Variants in CACNA1H observed in about 807,000 individuals in gnomAD.
The protein encoded by CACNA1H is voltage-dependent T-type calcium channel subunit alpha-1H.
Under a neutral mutation model 192.5 loss-of-function variants are expected in CACNA1H, and 149 were observed. That is an observed-to-expected ratio of 0.77 (90% CI 0.68 to 0.89). The LOEUF (loss-of-function observed/expected upper bound fraction) is 0.89. Ranked by LOEUF, CACNA1H falls within the 40% of genes least tolerant of loss-of-function variation. The pLI is 0.00. For synonymous variants in CACNA1H, 2,202 were observed against 1,475.2 expected, an observed-to-expected ratio of 1.49 and a Z score of -11.29; for missense variants, 4,257 against 3,423.5, an observed-to-expected ratio of 1.24 and a Z score of -6.08.
In CACNA1H at chr16:1,213,782, G is replaced by C; in HGVS notation, c.4780G>C (p.Ala1594Pro). 1 of 1,554,258 alleles carries C rather than the reference G, an allele frequency of 6.4e-7. No individual in the cohort carries two copies. The highest frequency in any genetic ancestry group is 2.4e-5 in the East Asian group (1 of 41,656). Residue 1594 changes from alanine to proline, a missense_variant and splice_region_variant, in exon 27 of 35, where the codon GCC becomes CCC. Transcript: ENST00000348261. ...RRRSTFPSPE[A>P]QRRPYYADYS... ...GCTCATGGCCGCCCTCCCCGCAGAG[G>C]CCCAGCGCCGGCCCTACTATGCCGA...
intron 30 of CACNA1H, among the ~76,000 whole-genome samples, 194 bp from the exon 31 acceptor site, chr16:1,216,738 C>T (rs926203611): frequency 9.9e-5 from 15 of 152,108 alleles, no homozygotes; most frequent in African/African-American, 2.7e-4. Context: ...CATGGTGCCC[C>T]GAGAGGGGCA....
rs779221011 is a variant in CACNA1H at position 1,195,405 on chromosome 16, G to C, written c.412-27G>C. 26 of 1,550,426 alleles carry C rather than the reference G, an allele frequency of 1.7e-5. 1 individual carries two copies. Among genetic ancestry groups the C allele is most frequent in the South Asian group, 1.5e-4 (13 of 84,002 alleles). On this transcript the variant is annotated intron_variant, in intron 3 of 34. Coordinates refer to ENST00000348261, the MANE Select transcript of CACNA1H (RefSeq NM_021098.3). ...TGTGGGCTGAGCTGAGCTGTTCCAC[G>C]GGCCCTCCTGATGCCTCCTCCCGCA... is the stretch of plus-strand genomic sequence containing the variant.
Position 1,204,445 on chromosome 16 carries a change from A to G in CACNA1H, c.2438A>G (p.Glu813Gly). 6.5e-7 allele frequency: 1 copy of G among 1,538,374 alleles called. No homozygotes were observed. Residue 813 changes from glutamate to glycine, a missense_variant, in exon 10 of 35, where the codon GAG (glutamate) becomes GGG (glycine). By Grantham distance (98) the Glu-to-Gly change is moderately conservative (BLOSUM62 -2). Transcript: ENST00000348261. ...ILVNTLSMGV[E>G]YHEQPEELTN... ...GTCAACACGCTGAGCATGGGCGTGG[A>G]GTACCATGAGCAGGTGCGGGCTGGC...
At chr16:1,179,543 C>T (rs1965255850) in intron 2 of CACNA1H, among the ~76,000 whole-genome samples, 1 of 152,162 alleles carries the variant, frequency 6.6e-6, no homozygotes, top group South Asian at 2.1e-4. Flanking sequence ...ATTCTCCTGC[C>T]TCAGCCTCCT....
chr16:1,168,861 C>T (rs986181252), intron 2 of CACNA1H, among the ~76,000 whole-genome samples: 6 of 152,006 alleles, frequency 3.9e-5, no homozygotes, highest in African/African-American at 9.7e-5. Context: ...CTCCTCAGCC[C>T]GCTCCCCACT....
At position 1,211,179 on chromosome 16, in the gene CACNA1H, G is replaced by A. The variant is rs760124275; in HGVS notation, c.4235G>A (p.Arg1412Gln). 28 of 1,612,624 alleles carry A rather than the reference G, an allele frequency of 1.7e-5. No individual in the cohort carries two copies. The highest frequency in any genetic ancestry group is 5.0e-5 in the Admixed American group (3 of 59,998). The change falls in exon 22 of 35, where the codon CGG becomes CAG. Residue 1412 changes from arginine (R) to glutamine (Q), a missense_variant. Transcript: ENST00000348261. Reference sequence around the variant, plus strand: ...TCACTCCCCTCCAGGGTCATCAGCCGGGCCCCGGGCCTCAAGCTGGTGGTG... The same window carrying A: ...TCACTCCCCTCCAGGGTCATCAGCCAGGCCCCGGGCCTCAAGCTGGTGGTG... ...RTLRPLRVISRAPGLKLVVET... is the reference protein window; with the variant it reads ...RTLRPLRVISQAPGLKLVVET...
intron 5 of CACNA1H, among the ~76,000 whole-genome samples, chr16:1,198,200 A>G (rs1184931952): frequency 1.3e-5 from 2 of 152,082 alleles, no homozygotes; most frequent in Non-Finnish European, 2.9e-5. Context: ...CTCGAGGGCC[A>G]CTGGGCTCCG....
rs72775445 is a variant in CACNA1H at position 1,205,083 on chromosome 16, C to T, written c.2452-31C>T. The T allele has an allele frequency of 0.019, 27,986 of 1,472,788 alleles. 291 individuals carry two copies. The highest frequency in any genetic ancestry group is 0.033 in the Middle Eastern group (183 of 5,540). 91.2% of individuals were successfully genotyped at this position (1,472,788 alleles called of 1,614,324 possible). ...TGAGGGGTGGGAGCCGCGGGTGCGG[C>T]CTCCTGAACTGTCCCCACCTCTGCC... On this transcript the variant is annotated intron_variant, in intron 10 of 34. Transcript: ENST00000348261.
chr16:1,182,289 G>T (rs1455311833), intron 2 of CACNA1H, among the ~76,000 whole-genome samples: 1 of 152,160 alleles, frequency 6.6e-6, no homozygotes, highest in Non-Finnish European at 1.5e-5. Flanking sequence ...TCTCTGTGGG[G>T]CCAGAGTCTC....
chr16:1,158,606 A>ATGGACTC (rs1962755995), intron 2 of CACNA1H, among the ~76,000 whole-genome samples: 1 of 152,178 alleles, frequency 6.6e-6, no homozygotes, highest in South Asian at 2.1e-4. Flanking sequence ...GGCTACCCCG[A>ATGGACTC]TGGACTCGGG....
intron 2 of CACNA1H, among the ~76,000 whole-genome samples, 199 bp downstream of exon 2, chr16:1,154,235 G>C (rs905248497): frequency 6.6e-6 from 1 of 151,868 alleles, no homozygotes; most frequent in East Asian, 1.9e-4. Flanking sequence ...GGGGGCCACC[G>C]GGCGCCTCCG....
intron 3 of CACNA1H, 36 bp from the exon 4 acceptor site, chr16:1,195,396 C>A (rs1966870342): frequency 1.9e-6 from 3 of 1,549,908 alleles, no homozygotes; most frequent in Non-Finnish European, 2.6e-6. Flanking sequence ...CTGAGCTGAG[C>A]TGTTCCACGG....
chr16:1,212,543 C>T lies in CACNA1H; in HGVS notation c.4777+15C>T, dbSNP rs1596462716. ...CCCCAGCCCAGGTACCGGCCCTGTC[C>T]CGCATGCCTCAGGCCCCGCTTCTGC... is the stretch of plus-strand genomic sequence containing the variant. On this transcript the variant is annotated intron_variant, in intron 26 of 34. Coordinates refer to ENST00000348261, the MANE Select transcript of CACNA1H (RefSeq NM_021098.3). 6.2e-7 allele frequency: 1 copy of T among 1,609,448 alleles called. No individual in the cohort carries two copies. Among genetic ancestry groups the T allele is most frequent in the Admixed American group, 1.7e-5 (1 of 59,758 alleles).
In CACNA1H at chr16:1,162,423, A is replaced by G. The variant is rs553535371; in HGVS notation, c.299+8387A>G. ...CCCATGAGCAGGAGGTGCTTGACGC[A>G]GTAACAGGAGTCAGCCCCTTTCAGG... On this transcript the variant is annotated intron_variant, in intron 2 of 34. Transcript: ENST00000348261. Among the ~76,000 whole-genome samples the G allele has an allele frequency of 4.6e-5, 7 of 152,278 alleles. No homozygotes were observed. The South Asian group carries it at 1.2e-3, about 27-fold the overall frequency.
intron 8 of CACNA1H, among the ~76,000 whole-genome samples, chr16:1,201,350 G>GA (rs1441680852): frequency 3.9e-5 from 6 of 152,168 alleles, no homozygotes; most frequent in Non-Finnish European, 7.4e-5. Context: ...CTGGGGAGGG[G>GA]AGAGTGGCCA....
chr16:1,220,898 G>A lies in CACNA1H; in HGVS notation c.6966G>A (p.Arg2322=). Reference sequence around the variant, plus strand: ...TCGGTGACCCCCCAGAGAAGAGGCGGGGGCTGTACCTCACAGTCCCCCAGT... The same window carrying A: ...TCGGTGACCCCCCAGAGAAGAGGCGAGGGCTGTACCTCACAGTCCCCCAGT... ...MPVGDPPEKR[R]GLYLTVPQCP... Residue 2322 remains arginine (R), a synonymous_variant, in exon 35 of 35, where the codon CGG becomes CGA. Coordinates refer to ENST00000348261, the MANE Select transcript of CACNA1H (RefSeq NM_021098.3). The A allele has an allele frequency of 1.2e-6, 2 of 1,612,382 alleles. No individual in the cohort carries two copies. The highest frequency in any genetic ancestry group is 1.1e-5 in the South Asian group (1 of 91,064).
Position 1,210,493 on chromosome 16 carries a change from C to T in CACNA1H, c.3969C>T (p.Thr1323=), listed in dbSNP as rs374307664. Residue 1323 remains threonine (T), a splice_region_variant and synonymous_variant, in exon 19 of 35, where the codon ACC becomes ACT. Transcript: ENST00000348261. ...GGCCTGACATTGATCCCGGCAGCACCGTGAGTCAGCCAACCCCATCGTCCC... is the reference window on the plus strand; with the variant it reads ...GGCCTGACATTGATCCCGGCAGCACTGTGAGTCAGCCAACCCCATCGTCCC... The part of the protein sequence containing the change: ...LERPDIDPGS[T]ERVFLSVSNY... 17 of 1,611,620 alleles carry T rather than the reference C, an allele frequency of 1.1e-5. No homozygotes were observed. Among genetic ancestry groups the T allele is most frequent in the Non-Finnish European group, 1.4e-5 (16 of 1,179,718 alleles).
At chr16:1,203,458 C>T (rs923141360) in intron 9 of CACNA1H, among the ~76,000 whole-genome samples, 4 of 152,162 alleles carry the variant, frequency 2.6e-5, no homozygotes, top group Admixed American at 6.5e-5. Context: ...GTGTCCCTGC[C>T]CCAGTACGTG....
intron 21 of CACNA1H, 70 bp downstream of exon 21, chr16:1,211,041 C>T (rs1049357226): frequency 2.6e-6 from 4 of 1,553,034 alleles, no homozygotes; most frequent in Non-Finnish European, 2.6e-6. Context: ...GCCCATTACT[C>T]CTCCCGCAGT....
Sources: allele counts gnomAD v4.1 joint callset (sites outside exome capture counted in the v4.1 genomes callset), GRCh38; gene constraint gnomAD v4.1.1; transcripts MANE v1.5; gene names NCBI Gene and HGNC (gene_info 2026-07-23, HGNC 2026-07-21).